The following GALNT13 variants were observed in gnomAD, a reference collection of about 807,000 sequenced individuals.
The protein encoded by GALNT13 is UDP-GalNAc:polypeptide N-acetylgalactosaminyltransferase 13.
In GALNT13, 28 loss-of-function variants were observed where a neutral mutation model predicts 64.2. That is an observed-to-expected ratio of 0.44 (90% CI 0.32 to 0.60). The LOEUF is 0.60. Among genes scored for constraint, GALNT13 ranks in the 20% least tolerant of loss-of-function variants. The pLI is 0.05. For missense variants in GALNT13, 577 were observed against 669.8 expected (o/e 0.86, Z 1.53); for synonymous variants, 214 against 224.6 (o/e 0.95, Z 0.42).
the GALNT13 span, among the ~76,000 whole-genome samples, chr2:153,862,271 A>C: frequency 6.6e-6 from 1 of 152,202 alleles, no homozygotes; most frequent in Non-Finnish European, 1.5e-5. Context: ...GTGTCAGTCA[A>C]GTTGATATAA....
the GALNT13 span, among the ~76,000 whole-genome samples, chr2:153,455,615 G>A: frequency 6.6e-6 from 1 of 152,174 alleles, no homozygotes; most frequent in Non-Finnish European, 1.5e-5. Flanking sequence ...GTGCAGGTCC[G>A]CAGCAGTATC....
At chr2:154,092,731 G>C (rs955978168) in intron 3 of GALNT13, among the ~76,000 whole-genome samples, 8 of 152,158 alleles carry the variant, frequency 5.3e-5, no homozygotes, top group East Asian at 3.9e-4. Context: ...TCATCATCAT[G>C]AACAGTGGTA....
intron 4 of GALNT13, among the ~76,000 whole-genome samples, chr2:154,154,968 A>G (rs891040430): frequency 5.6e-5 from 8 of 144,086 alleles, no homozygotes; most frequent in Non-Finnish European, 9.3e-5. Flanking sequence ...GTGTGTGTGT[A>G]TAAACATACA....
intron 4 of GALNT13, among the ~76,000 whole-genome samples, chr2:154,209,198 T>TA (rs1464334497): frequency 6.6e-6 from 1 of 152,052 alleles, no homozygotes; most frequent in Non-Finnish European, 1.5e-5. Context: ...TCCAACTAGA[T>TA]AAAATGAGAA....
chr2:153,864,413 C>A, the GALNT13 span, among the ~76,000 whole-genome samples: 2 of 152,106 alleles, frequency 1.3e-5, no homozygotes, highest in Non-Finnish European at 2.9e-5. Flanking sequence ...GTATTTTATT[C>A]TCTTTGAAGC....
the GALNT13 span, among the ~76,000 whole-genome samples, chr2:153,711,686 G>C: frequency 6.6e-6 from 1 of 152,146 alleles, no homozygotes; most frequent in Admixed American, 6.6e-5. Flanking sequence ...ACAAAGATCT[G>C]TAGCTCACTT....
chr2:153,294,781 A>G, the GALNT13 span, among the ~76,000 whole-genome samples: 1 of 152,140 alleles, frequency 6.6e-6, no homozygotes, highest in Non-Finnish European at 1.5e-5. Flanking sequence ...TTTATTGAAA[A>G]CATCATCATC....
At chr2:153,767,312 A>G in the GALNT13 span, among the ~76,000 whole-genome samples, 5 of 152,224 alleles carry the variant, frequency 3.3e-5, no homozygotes, top group African/African-American at 9.6e-5. Flanking sequence ...GTAGTATTCC[A>G]TGGTGTATAG....
the GALNT13 span, among the ~76,000 whole-genome samples, chr2:153,613,104 A>G: frequency 6.6e-6 from 1 of 152,082 alleles, no homozygotes; most frequent in Non-Finnish European, 1.5e-5. Context: ...ACACGCATTG[A>G]TTTACTTGTA....
chr2:153,377,401 G>A, the GALNT13 span, among the ~76,000 whole-genome samples: 1 of 151,522 alleles, frequency 6.6e-6, no homozygotes. Context: ...GGTGGTGCTA[G>A]GGGGTGGGGC....
At chr2:153,122,200 A>C in the GALNT13 span, among the ~76,000 whole-genome samples, 1 of 151,858 alleles carries the variant, frequency 6.6e-6, no homozygotes, top group African/African-American at 2.4e-5. Flanking sequence ...AACTTTACCT[A>C]TTGTTTACTG....
chr2:154,086,262 T>C (rs1051084120), intron 3 of GALNT13, among the ~76,000 whole-genome samples: 4 of 148,086 alleles, frequency 2.7e-5, no homozygotes, highest in Non-Finnish European at 6.0e-5. Flanking sequence ...TCCTACTGAG[T>C]CATGGTAGTC....
At chr2:153,233,512 A>G in the GALNT13 span, among the ~76,000 whole-genome samples, 1 of 152,050 alleles carries the variant, frequency 6.6e-6, no homozygotes, top group Non-Finnish European at 1.5e-5. Context: ...TTGTAGTTCA[A>G]TGGTCTATTT....
chr2:153,425,831 A>C, the GALNT13 span, among the ~76,000 whole-genome samples: 1 of 151,898 alleles, frequency 6.6e-6, no homozygotes, highest in Non-Finnish European at 1.5e-5. Context: ...AATATTTCTC[A>C]TATTACATTC....
rs572800003 is a variant in GALNT13, at chr2:154,174,102, T to C, written c.311+33597T>C. On this transcript the variant is annotated intron_variant, in intron 4 of 12. Transcript: ENST00000392825. ...CTTAAATTAGATATAGATAATTTAA[T>C]TGTGATGAGTTTGCAATTTATGATT... Among the ~76,000 whole-genome samples, 3 of 152,248 alleles carry C rather than the reference T, an allele frequency of 2.0e-5. No individual in the cohort carries two copies. In the South Asian group the frequency reaches 6.2e-4, roughly 32 times the overall value.
At chr2:153,709,904 T>A in the GALNT13 span, among the ~76,000 whole-genome samples, 6 of 151,936 alleles carry the variant, frequency 3.9e-5, no homozygotes, top group Non-Finnish European at 2.9e-5. Context: ...ATACCACATG[T>A]CCTCATTTAT....
At chr2:154,421,836 T>C (rs565626228) in intron 11 of GALNT13, among the ~76,000 whole-genome samples, 100 of 152,178 alleles carry the variant, frequency 6.6e-4, no homozygotes, top group Non-Finnish European at 1.1e-3. Context: ...TTAAATCCAC[T>C]TTGAAACAAG....
the GALNT13 span, among the ~76,000 whole-genome samples, chr2:153,497,536 T>A: frequency 6.0e-5 from 7 of 116,800 alleles, no homozygotes; most frequent in Non-Finnish European, 3.4e-5. Flanking sequence ...TTTTTTTTTT[T>A]TTTTTTTTTT....
At chr2:154,351,945 A>G (rs144453828) in intron 9 of GALNT13, among the ~76,000 whole-genome samples, 55 of 152,290 alleles carry the variant, frequency 3.6e-4, no homozygotes, top group African/African-American at 1.3e-3. Context: ...TCTTTGAAAC[A>G]AACTACTAGA....
Sources: gnomAD v4.1 joint callset for allele counts (sites outside exome capture counted in the v4.1 genomes callset) on GRCh38, gnomAD v4.1.1 for gene constraint, MANE v1.5 for transcripts, NCBI Gene and HGNC (gene_info 2026-07-23, HGNC 2026-07-21) for gene names.